The following RAPGEF5 variants were observed in gnomAD, a reference collection of about 807,000 sequenced individuals.
RAPGEF5 encodes the protein Rap guanine nucleotide exchange factor 5.
In RAPGEF5, 65 loss-of-function variants were observed where a neutral mutation model predicts 125.2. The ratio of observed to expected loss-of-function variants is 0.52; its 90% confidence interval spans 0.43 to 0.64. The LOEUF is 0.64. RAPGEF5 is among the 30% of genes least tolerant of loss of function. The pLI, the probability that RAPGEF5 is intolerant of heterozygous loss-of-function variation, is 0.00. For synonymous variants in RAPGEF5, 391 were observed against 385.9 expected (o/e 1.01, Z -0.16); for missense variants, 958 against 1,048.1 (o/e 0.91, Z 1.19).
chr7:22,279,560 C>T (rs890696278), intron 6 of RAPGEF5, among the ~76,000 whole-genome samples: 2 of 152,130 alleles, frequency 1.3e-5, no homozygotes, highest in Non-Finnish European at 1.5e-5. Flanking sequence ...AGTGCTCAGA[C>T]CTCCGAAAGA....
intron 7 of RAPGEF5, among the ~76,000 whole-genome samples, chr7:22,246,270 GCAATCCTAA>G: frequency 6.6e-6 from 1 of 152,156 alleles, no homozygotes; most frequent in South Asian, 2.1e-4. Flanking sequence ...AATAGCCAAA[GCAATCCTAA>G]GCAAAAGGAA....
chr7:22,176,798 T>C (rs1046035826), intron 11 of RAPGEF5, among the ~76,000 whole-genome samples: 2 of 152,244 alleles, frequency 1.3e-5, no homozygotes, highest in Non-Finnish European at 2.9e-5. Context: ...CCCAAAGTGC[T>C]GGGATTACAG....
intron 18 of RAPGEF5, among the ~76,000 whole-genome samples, chr7:22,148,669 C>T (rs1783521209): frequency 6.6e-6 from 1 of 152,172 alleles, no homozygotes; most frequent in African/African-American, 2.4e-5. Context: ...ACATATTTCA[C>T]AGCACCTATT....
intron 8 of RAPGEF5, among the ~76,000 whole-genome samples, chr7:22,227,518 G>A (rs1019448605): frequency 3.9e-5 from 6 of 152,100 alleles, no homozygotes; most frequent in Non-Finnish European, 5.9e-5. Context: ...TGGAATCAAA[G>A]CAAGAATTTC....
At chr7:22,342,880 C>T (rs189907494) in intron 1 of RAPGEF5, among the ~76,000 whole-genome samples, 64 of 152,308 alleles carry the variant, frequency 4.2e-4, no homozygotes, top group Admixed American at 7.8e-4. Context: ...CCAAACTTTC[C>T]CAAATTTTCC....
chr7:22,125,297 A>T (rs1265504487), intron 25 of RAPGEF5: 1 of 277,628 alleles, frequency 3.6e-6, no homozygotes, highest in Non-Finnish European at 7.0e-6. Context: ...AAGCAAAGCA[A>T]GACACTGTGG....
rs111638463 is a variant in RAPGEF5, at chr7:22,254,667, A to G, written c.796+12297T>C. On this transcript the variant is annotated intron_variant, in intron 7 of 25. Transcript: ENST00000665637. ...AGATTGTCTCATAGAGCAGTCCTCA[A>G]CCTTTCTGGCACCAGGGACCAGTTT... 7.5e-4 allele frequency among the ~76,000 whole-genome samples: 114 copies of G among 151,820 alleles called. 1 individual carries two copies. The highest frequency in any genetic ancestry group is 2.7e-3 in the African/African-American group (113 of 41,366).
In RAPGEF5 at chr7:22,231,269, AT is replaced by A. The variant is rs548107366; in HGVS notation, c.797-351del. Among the ~76,000 whole-genome samples the A allele has an allele frequency of 2.6e-4, 40 of 150,970 alleles. No homozygotes were observed. The East Asian group carries it at 4.5e-3, about 17-fold the overall frequency. ...TCATTTCATATAAGAACAGCCATATATTTTTTTTAATGTGGCTTTCTGGCTG... is the reference window on the plus strand; with the variant it reads ...TCATTTCATATAAGAACAGCCATATATTTTTTTAATGTGGCTTTCTGGCTG... On this transcript the variant is annotated intron_variant, in intron 7 of 25. Transcript: ENST00000665637.
intron 8 of RAPGEF5, among the ~76,000 whole-genome samples, chr7:22,224,290 C>G (rs1293997240): frequency 2.0e-5 from 3 of 152,058 alleles, no homozygotes; most frequent in Non-Finnish European, 2.9e-5. Flanking sequence ...TTAATCTACA[C>G]TAAGAAGGGT....
At chr7:22,264,197 G>A (rs898571325) in intron 7 of RAPGEF5, among the ~76,000 whole-genome samples, 20 of 152,046 alleles carry the variant, frequency 1.3e-4, no homozygotes, top group African/African-American at 4.8e-4. Context: ...ATGCATCTCT[G>A]ATTATGTCCT....
chr7:22,161,119 G>A (rs1375957252), intron 13 of RAPGEF5, among the ~76,000 whole-genome samples: 3 of 152,164 alleles, frequency 2.0e-5, no homozygotes, highest in African/African-American at 7.2e-5. Context: ...TGAGGCAGGA[G>A]AATGGCGTGA....
intron 11 of RAPGEF5, among the ~76,000 whole-genome samples, chr7:22,173,370 T>G (rs757228925): frequency 3.9e-5 from 6 of 152,202 alleles, no homozygotes; most frequent in Non-Finnish European, 8.8e-5. Context: ...TTAAATTCAC[T>G]TAATCCCTGC....
At chr7:22,160,023 C>T (rs1476994416) in intron 14 of RAPGEF5, among the ~76,000 whole-genome samples, 2 of 152,110 alleles carry the variant, frequency 1.3e-5, no homozygotes, top group South Asian at 2.1e-4. Context: ...GCACGAAAAT[C>T]GCTCGAACCC....
intron 11 of RAPGEF5, among the ~76,000 whole-genome samples, chr7:22,178,850 G>A (rs1784589258): frequency 6.6e-6 from 1 of 152,060 alleles, no homozygotes; most frequent in African/African-American, 2.4e-5. Context: ...TGAGGGCTGG[G>A]ACCAAAAGCT....
At chr7:22,206,824 C>T (rs551270062) in intron 9 of RAPGEF5, among the ~76,000 whole-genome samples, 1 of 151,930 alleles carries the variant, frequency 6.6e-6, no homozygotes, top group Non-Finnish European at 1.5e-5. Context: ...CATTTCCACT[C>T]ATGTGTATAA....
At chr7:22,338,393 TTC>T (rs1163698382) in intron 1 of RAPGEF5, among the ~76,000 whole-genome samples, 3 of 152,240 alleles carry the variant, frequency 2.0e-5, no homozygotes, top group Non-Finnish European at 4.4e-5. Context: ...CCAAAGTATT[TTC>T]TGTTATTTTA....
Position 22,169,592 on chromosome 7 carries a change from C to T in RAPGEF5, c.1205-2444G>A, listed in dbSNP as rs562121234. On this transcript the variant is annotated intron_variant, in intron 11 of 25. Transcript: ENST00000665637. ...GAATCTGGCCAGGTGTGGTGGCTCA[C>T]GCCTGTAATCCCAGCACTTTGAGAG... Among the ~76,000 whole-genome samples, 589 of 151,428 alleles carry T rather than the reference C, an allele frequency of 3.9e-3. 9 individuals carry two copies. The highest frequency in any genetic ancestry group is 0.014 in the African/African-American group (574 of 41,252).
chr7:22,257,277 T>G (rs903494800), intron 7 of RAPGEF5, among the ~76,000 whole-genome samples: 1 of 152,214 alleles, frequency 6.6e-6, no homozygotes, highest in African/African-American at 2.4e-5. Context: ...TAAAAAGTAT[T>G]CAATAGTTTT....
At chr7:22,179,709 G>A (rs145656115) in intron 11 of RAPGEF5, among the ~76,000 whole-genome samples, 1 of 152,194 alleles carries the variant, frequency 6.6e-6, no homozygotes, top group Non-Finnish European at 1.5e-5. Context: ...CCAAGATAGT[G>A]ACAAATGTGA....
Sources: gnomAD v4.1 joint callset for allele counts (sites outside exome capture counted in the v4.1 genomes callset) on GRCh38, gnomAD v4.1.1 for gene constraint, MANE v1.5 for transcripts, NCBI Gene and HGNC (gene_info 2026-07-23, HGNC 2026-07-21) for gene names.